The following TSGA10 variants were observed in gnomAD, a reference collection of about 807,000 sequenced individuals.
TSGA10 encodes the protein testis specific 10.
TSGA10 carries 43 observed loss-of-function variants against 96.6 expected under a neutral mutation model. The observed-to-expected ratio is 0.44, with a 90% CI of 0.35 to 0.57. The LOEUF (loss-of-function observed/expected upper bound fraction) is 0.57, where lower values mean the gene tolerates loss of function less well. Ranked by LOEUF, TSGA10 falls within the 20% of genes least tolerant of loss-of-function variation. TSGA10 has a pLI of 0.01. For missense variants in TSGA10, 703 were observed against 834.4 expected, an observed-to-expected ratio of 0.84 and a Z score of 1.94; for synonymous variants, 229 against 269.9, an observed-to-expected ratio of 0.85 and a Z score of 1.48.
intron 16 of TSGA10, among the ~76,000 whole-genome samples, chr2:99,058,881 C>CA (rs1469099147): frequency 2.1e-4 from 31 of 151,030 alleles, no homozygotes; most frequent in African/African-American, 7.0e-4. Flanking sequence ...ACTAAAAATA[C>CA]AAAAAATTTG....
rs2093671109 is a variant in TSGA10, at chr2:99,149,741, C to T, written c.-621+4952G>A. 2.7e-5 allele frequency among the ~76,000 whole-genome samples: 4 copies of T among 150,584 alleles called. No homozygotes were observed. In the South Asian group the frequency reaches 8.4e-4, roughly 32 times the overall value. On this transcript the variant is annotated intron_variant, in intron 1 of 20. Coordinates refer to ENST00000393483, the MANE Select transcript of TSGA10 (RefSeq NM_025244.4). ...ACAGGTGTGAGCCACTGCGCTCGGC[C>T]GATCATCTCTTTTTACAGACTAGAC...
At chr2:99,061,676 A>G (rs971469834) in intron 16 of TSGA10, among the ~76,000 whole-genome samples, 3 of 152,210 alleles carry the variant, frequency 2.0e-5, no homozygotes, top group Non-Finnish European at 4.4e-5. Context: ...ACATGAACGC[A>G]AAGACTTGAA....
rs776551742 is a variant in TSGA10 at position 99,069,003 on chromosome 2, G to A, written c.1108-5C>T. On this transcript the variant is annotated splice_polypyrimidine_tract_variant and splice_region_variant and intron_variant, in intron 14 of 20. Transcript: ENST00000393483. Reference sequence around the variant, plus strand: ...ATTCAATTTTTTGGACAGTGCCTACGAAAAAAAGATAGGTATATTTGACTA... The same window carrying A: ...ATTCAATTTTTTGGACAGTGCCTACAAAAAAAAGATAGGTATATTTGACTA... The A allele has an allele frequency of 2.2e-5, 31 of 1,395,354 alleles. No individual in the cohort carries two copies. Among genetic ancestry groups the A allele is most frequent in the African/African-American group, 1.1e-4 (7 of 66,386 alleles). 86.4% of individuals were successfully genotyped at this position (1,395,354 alleles called of 1,614,324 possible). A position where few individuals can be genotyped will look rare whatever the true frequency, so the allele number is the denominator to read the frequency against.
chr2:99,152,392 T>A (rs1165748801), intron 1 of TSGA10, among the ~76,000 whole-genome samples: 1 of 152,182 alleles, frequency 6.6e-6, no homozygotes, highest in African/African-American at 2.4e-5. Flanking sequence ...TCTTAAGCGA[T>A]CTTCCTGCCT....
intron 16 of TSGA10, among the ~76,000 whole-genome samples, chr2:99,043,699 A>T (rs1021250301): frequency 2.6e-5 from 4 of 152,196 alleles, no homozygotes; most frequent in African/African-American, 9.6e-5. Flanking sequence ...AAGCAGAAAC[A>T]ATGGAATCCA....
At chr2:99,135,933 T>C (rs984364600) in intron 1 of TSGA10, among the ~76,000 whole-genome samples, 1 of 143,222 alleles carries the variant, frequency 7.0e-6, no homozygotes, top group Non-Finnish European at 1.5e-5. Context: ...CACTTGAACC[T>C]GAGAGGTGGA....
chr2:99,120,473 G>A (rs745397682), intron 2 of TSGA10, among the ~76,000 whole-genome samples: 55 of 152,184 alleles, frequency 3.6e-4, no homozygotes, highest in Non-Finnish European at 6.3e-4. Flanking sequence ...AAATAAATGA[G>A]AGTCTCTTGA....
chr2:98,998,320 T>A, intron 20 of TSGA10, 99 bp from the exon 21 acceptor site: 1 of 998,746 alleles, frequency 1.0e-6, no homozygotes. Context: ...CAGCAAAACG[T>A]AAGATTTTTC....
intron 11 of TSGA10, 119 bp downstream of exon 11, chr2:99,081,163 A>G (rs2087431359): frequency 2.1e-6 from 1 of 468,068 alleles, no homozygotes; most frequent in Non-Finnish European, 3.7e-6. Context: ...TTTTTTATTC[A>G]TAAACTTAGT....
At chr2:99,000,954 TAAAC>T (rs752629714) in intron 20 of TSGA10, among the ~76,000 whole-genome samples, 1 of 152,044 alleles carries the variant, frequency 6.6e-6, no homozygotes, top group Non-Finnish European at 1.5e-5. Flanking sequence ...CTTGATTTGG[TAAAC>T]AAGGCAGCCT....
At chr2:99,108,172 A>G (rs2091512119) in intron 7 of TSGA10, among the ~76,000 whole-genome samples, 1 of 152,182 alleles carries the variant, frequency 6.6e-6, no homozygotes, top group African/African-American at 2.4e-5. Flanking sequence ...AAATCAATAA[A>G]TACAATATAC....
At chr2:99,110,565 A>G (rs1217653568) in intron 5 of TSGA10, among the ~76,000 whole-genome samples, 1 of 152,220 alleles carries the variant, frequency 6.6e-6, no homozygotes, top group Non-Finnish European at 1.5e-5. Flanking sequence ...TTTGAGAATT[A>G]TTCAGTCATC....
At chr2:99,071,937 TC>T in intron 13 of TSGA10, 63 bp from the exon 14 acceptor site, 1 of 1,431,884 alleles carries the variant, frequency 7.0e-7, no homozygotes, top group South Asian at 1.3e-5. Context: ...CAACAAATTC[TC>T]ACAAGACAGA....
chr2:99,042,708 C>CTT (rs762749031), intron 16 of TSGA10, among the ~76,000 whole-genome samples: 1,580 of 144,594 alleles, frequency 0.011, 8 homozygotes, highest in Middle Eastern at 0.029. Flanking sequence ...GTTTTGTGAG[C>CTT]TTTTTTTTTT....
At chr2:99,017,216 G>C (rs2079584536) in intron 20 of TSGA10, among the ~76,000 whole-genome samples, 1 of 152,164 alleles carries the variant, frequency 6.6e-6, no homozygotes, top group Non-Finnish European at 1.5e-5. Flanking sequence ...CATGTTTGTA[G>C]CAGCATAATT....
intron 10 of TSGA10, among the ~76,000 whole-genome samples, chr2:99,086,220 G>C (rs968680684): frequency 2.6e-5 from 4 of 152,028 alleles, no homozygotes; most frequent in Non-Finnish European, 5.9e-5. Context: ...AAACACAATT[G>C]TATTCTTTTG....
chr2:99,074,134 TC>T (rs2086370918), intron 12 of TSGA10, among the ~76,000 whole-genome samples: 1 of 149,036 alleles, frequency 6.7e-6, no homozygotes, highest in Non-Finnish European at 1.5e-5. Context: ...TGCCTCAGCC[TC>T]CCAAGTAGCT....
chr2:99,115,747 G>A (rs1289502855), intron 4 of TSGA10, among the ~76,000 whole-genome samples: 5 of 152,084 alleles, frequency 3.3e-5, no homozygotes, highest in East Asian at 1.9e-4. Context: ...GGGTGTGGTC[G>A]TGGGTGCCTG....
At chr2:99,015,369 A>T (rs1480966764) in intron 20 of TSGA10, among the ~76,000 whole-genome samples, 1 of 152,246 alleles carries the variant, frequency 6.6e-6, no homozygotes, top group Admixed American at 6.5e-5. Flanking sequence ...AGATCACATA[A>T]ACAAACTTAA....
Sources: allele counts gnomAD v4.1 joint callset (sites outside exome capture counted in the v4.1 genomes callset), GRCh38; gene constraint gnomAD v4.1.1; transcripts MANE v1.5; gene names NCBI Gene and HGNC (gene_info 2026-07-23, HGNC 2026-07-21).